The following DCDC2 variants were observed in gnomAD, a reference collection of about 807,000 sequenced individuals.
DCDC2 encodes the protein doublecortin domain-containing protein 2.
A neutral mutation model predicts 50.2 loss-of-function variants in DCDC2; 40 were observed. The observed-to-expected ratio is 0.80, with a 90% CI of 0.62 to 1.04. The LOEUF is 1.04. DCDC2 is among the 50% of genes least tolerant of loss of function. The probability of loss-of-function intolerance (pLI) is 0.00; values close to 1 mark genes in which losing one functional copy is unlikely to be tolerated. For missense variants in DCDC2, 570 were observed against 581.9 expected (o/e 0.98, Z 0.21); for synonymous variants, 234 against 210.6 (o/e 1.11, Z -0.96).
At chr6:24,239,901 T>C (rs538752188) in intron 7 of DCDC2, among the ~76,000 whole-genome samples, 1 of 152,298 alleles carries the variant, frequency 6.6e-6, no homozygotes, top group South Asian at 2.1e-4. Flanking sequence ...TTTTTCAATA[T>C]TGAAAATCAC....
intron 9 of DCDC2, among the ~76,000 whole-genome samples, chr6:24,177,209 TTC>T (rs1202044019): frequency 6.6e-6 from 1 of 152,318 alleles, no homozygotes; most frequent in African/African-American, 2.4e-5. Context: ...TATGGGGAAT[TTC>T]TTATAGAATA....
chr6:24,212,344 A>G (rs1761891338), intron 7 of DCDC2, among the ~76,000 whole-genome samples: 1 of 152,196 alleles, frequency 6.6e-6, no homozygotes, highest in Non-Finnish European at 1.5e-5. Context: ...GGGCAAAAAC[A>G]GGCCTTTCAG....
chr6:24,335,263 G>C (rs535732710), intron 2 of DCDC2, among the ~76,000 whole-genome samples: 2 of 152,226 alleles, frequency 1.3e-5, no homozygotes, highest in East Asian at 3.9e-4. Context: ...CATTCACCAG[G>C]CAAATGTGCC....
chr6:24,364,133 C>T, the DCDC2 span, among the ~76,000 whole-genome samples: 1 of 152,248 alleles, frequency 6.6e-6, no homozygotes, highest in East Asian at 1.9e-4. Flanking sequence ...CTCTATAGAT[C>T]AAGTTCCAAC....
At chr6:24,301,303 G>A (rs545700987) in intron 4 of DCDC2, among the ~76,000 whole-genome samples, 29 of 148,002 alleles carry the variant, frequency 2.0e-4, no homozygotes, top group East Asian at 5.9e-4. Flanking sequence ...CCCGGGAGGC[G>A]GAGCTTGCAG....
chr6:24,222,067 G>C (rs970988168), intron 7 of DCDC2, among the ~76,000 whole-genome samples: 1 of 152,184 alleles, frequency 6.6e-6, no homozygotes, highest in East Asian at 1.9e-4. Flanking sequence ...AGGGGCAAAT[G>C]AGGGTGAGTA....
chr6:24,372,733 A>C, the DCDC2 span, among the ~76,000 whole-genome samples: 2 of 151,778 alleles, frequency 1.3e-5, no homozygotes, highest in African/African-American at 4.8e-5. Flanking sequence ...ACTTGGACAC[A>C]GGAAGGGGAA....
intron 8 of DCDC2, among the ~76,000 whole-genome samples, chr6:24,183,737 G>A (rs904004930): frequency 6.6e-6 from 1 of 152,154 alleles, no homozygotes; most frequent in Admixed American, 6.5e-5. Context: ...CCCGGCATTC[G>A]GAGATAAATA....
chr6:24,204,002 G>A (rs752783973), intron 8 of DCDC2, among the ~76,000 whole-genome samples: 2 of 152,186 alleles, frequency 1.3e-5, no homozygotes, highest in African/African-American at 2.4e-5. Context: ...ATGCTGGAGA[G>A]GATGTGGAGA....
chr6:24,212,906 C>A (rs914692517), intron 7 of DCDC2, among the ~76,000 whole-genome samples: 2 of 152,144 alleles, frequency 1.3e-5, no homozygotes, highest in Non-Finnish European at 2.9e-5. Flanking sequence ...TCTGCTTCCC[C>A]TACTGAAACA....
At chr6:24,355,882 A>C (rs536467477) in intron 1 of DCDC2, among the ~76,000 whole-genome samples, 2 of 152,312 alleles carry the variant, frequency 1.3e-5, no homozygotes, top group African/African-American at 4.8e-5. Flanking sequence ...AAATATTTCT[A>C]TGTAGTTATA....
chr6:24,220,445 A>T (rs1374366109), intron 7 of DCDC2, among the ~76,000 whole-genome samples: 1 of 152,230 alleles, frequency 6.6e-6, no homozygotes, highest in Non-Finnish European at 1.5e-5. Context: ...GGAAAAAGAC[A>T]TATGTAACTA....
Position 24,278,180 on chromosome 6 carries a change from C to T in DCDC2, c.791G>A (p.Gly264Glu). The change falls in exon 7 of 10, where the codon GGA becomes GAA. Residue 264 changes from glycine to glutamate, a missense_variant. By Grantham distance (98) the Gly-to-Glu change is moderately conservative (BLOSUM62 -2). Transcript: ENST00000378454. ...CTGAGGAGATGAGTTGTCACTGGATCCAACTGTTGACTTAGAGTGGCGATC... is the reference window on the plus strand; with the variant it reads ...CTGAGGAGATGAGTTGTCACTGGATTCAACTGTTGACTTAGAGTGGCGATC... ...GNDRHSKSTVGSSDNSSPQPL... is the reference protein window; with the variant it reads ...GNDRHSKSTVESSDNSSPQPL... The T allele has an allele frequency of 1.9e-6, 3 of 1,612,676 alleles. No homozygotes were observed. The highest frequency in any genetic ancestry group is 2.5e-6 in the Non-Finnish European group (3 of 1,179,638).
chr6:24,199,204 C>T (rs1406083131), intron 8 of DCDC2, among the ~76,000 whole-genome samples: 1 of 152,226 alleles, frequency 6.6e-6, no homozygotes, highest in East Asian at 1.9e-4. Context: ...ACCCCTGTGC[C>T]TCCTGACTGG....
At chr6:24,337,320 A>G (rs1179799194) in intron 2 of DCDC2, among the ~76,000 whole-genome samples, 1 of 152,126 alleles carries the variant, frequency 6.6e-6, no homozygotes, top group African/African-American at 2.4e-5. Context: ...CTGGTTTCCT[A>G]TGGGAGCCTT....
intron 7 of DCDC2, among the ~76,000 whole-genome samples, chr6:24,210,469 A>G (rs1300638050): frequency 6.6e-6 from 1 of 152,218 alleles, no homozygotes; most frequent in East Asian, 1.9e-4. Flanking sequence ...CTCAATCCCA[A>G]AATCTGGGAA....
chr6:24,336,159 A>G (rs1210017160), intron 2 of DCDC2, among the ~76,000 whole-genome samples: 1 of 152,184 alleles, frequency 6.6e-6, no homozygotes. Context: ...GACTGTCTTT[A>G]ATGGCTTGGT....
chr6:24,297,269 T>C (rs1177800131), intron 4 of DCDC2, among the ~76,000 whole-genome samples: 4 of 151,934 alleles, frequency 2.6e-5, no homozygotes, highest in Admixed American at 2.0e-4. Context: ...TGAGGACACA[T>C]GCGCACAAAG....
chr6:24,368,912 T>C, the DCDC2 span, among the ~76,000 whole-genome samples: 2 of 151,984 alleles, frequency 1.3e-5, no homozygotes, highest in East Asian at 3.9e-4. Context: ...GGCGGGCGGA[T>C]CATTTGAAGT....
Sources: allele counts gnomAD v4.1 joint callset (sites outside exome capture counted in the v4.1 genomes callset), GRCh38; gene constraint gnomAD v4.1.1; transcripts MANE v1.5; gene names NCBI Gene and HGNC (gene_info 2026-07-23, HGNC 2026-07-21).